The following GPR19 variants were observed in gnomAD, a reference collection of about 807,000 sequenced individuals.
GPR19 encodes the protein G protein-coupled receptor 19.
GPR19 carries 14 observed loss-of-function variants against 28.5 expected under a neutral mutation model. The ratio of observed to expected loss-of-function variants is 0.49; its 90% confidence interval spans 0.32 to 0.77. The LOEUF is 0.77. GPR19 is among the 30% of genes least tolerant of loss of function. The pLI is 0.03. For synonymous variants in GPR19, 173 were observed against 184.1 expected (o/e 0.94, Z 0.49); for missense variants, 409 against 504.1 (o/e 0.81, Z 1.81).
At chr12:12,676,212 C>T (rs1945928862) in intron 3 of GPR19, among the ~76,000 whole-genome samples, 1 of 152,182 alleles carries the variant, frequency 6.6e-6, no homozygotes, top group Admixed American at 6.5e-5. Flanking sequence ...CTGAACAAGT[C>T]AAGAGACCCC....
chr12:12,678,304 TA>T (rs1009743280), intron 3 of GPR19, among the ~76,000 whole-genome samples: 14 of 150,788 alleles, frequency 9.3e-5, no homozygotes, highest in African/African-American at 2.9e-4. Flanking sequence ...CCAATTAATT[TA>T]AAAAAACCAA....
At chr12:12,706,696 A>G in the GPR19 span, among the ~76,000 whole-genome samples, 3 of 152,194 alleles carry the variant, frequency 2.0e-5, no homozygotes, top group Non-Finnish European at 2.9e-5. Context: ...TGGAGTCATC[A>G]TGAACTCTTT....
At chr12:12,668,734 A>G (rs1945816292) in intron 3 of GPR19, among the ~76,000 whole-genome samples, 1 of 152,132 alleles carries the variant, frequency 6.6e-6, no homozygotes, top group Non-Finnish European at 1.5e-5. Context: ...CTGGACCTAC[A>G]TGGATACATA....
intron 3 of GPR19, among the ~76,000 whole-genome samples, chr12:12,674,231 A>C (rs927751550): frequency 1.5e-5 from 2 of 130,958 alleles, no homozygotes; most frequent in African/African-American, 5.8e-5. Flanking sequence ...AAAAAAAAAA[A>C]GGCTATTACA....
At chr12:12,664,935 AAAAAAAAAAAAG>A (rs1163615709) in intron 3 of GPR19, among the ~76,000 whole-genome samples, 15 of 147,926 alleles carry the variant, frequency 1.0e-4, no homozygotes, top group African/African-American at 3.0e-4. Flanking sequence ...AAAAAAAAAA[AAAAAAAAAAAAG>A]AAATCAGGAC....
chr12:12,685,228 C>T (rs1017914983), intron 2 of GPR19, among the ~76,000 whole-genome samples: 1 of 151,756 alleles, frequency 6.6e-6, no homozygotes, highest in African/African-American at 2.4e-5. Flanking sequence ...CCTCCCTGTC[C>T]CCATCCCATC....
chr12:12,701,361 T>A, the GPR19 span, among the ~76,000 whole-genome samples: 3 of 152,220 alleles, frequency 2.0e-5, no homozygotes, highest in Non-Finnish European at 2.9e-5. Flanking sequence ...CAATGTAATT[T>A]CTGAATTATA....
the GPR19 span, among the ~76,000 whole-genome samples, chr12:12,714,015 G>A: frequency 1.3e-5 from 2 of 152,134 alleles, no homozygotes; most frequent in African/African-American, 4.8e-5. Context: ...TGGAATGTCA[G>A]CATCATTCTA....
chr12:12,674,072 C>T (rs191557587), intron 3 of GPR19, among the ~76,000 whole-genome samples: 241 of 151,908 alleles, frequency 1.6e-3, no homozygotes, highest in African/African-American at 5.5e-3. Context: ...ATTAGCCCAG[C>T]ATGGTGGTGA....
chr12:12,715,346 A>C, the GPR19 span, among the ~76,000 whole-genome samples: 2 of 152,210 alleles, frequency 1.3e-5, no homozygotes, highest in Non-Finnish European at 2.9e-5. Flanking sequence ...GAAAAACTAA[A>C]GAGGATGAGA....
chr12:12,671,835 T>A (rs895339927), intron 3 of GPR19, among the ~76,000 whole-genome samples: 5 of 152,218 alleles, frequency 3.3e-5, no homozygotes, highest in African/African-American at 1.2e-4. Context: ...CCTATTAAAA[T>A]ATAAATGTTT....
In GPR19 at chr12:12,661,618, C is replaced by A; in HGVS notation, c.831G>T (p.Met277Ile). The A allele has an allele frequency of 6.2e-7, 1 of 1,614,064 alleles. No individual in the cohort carries two copies. Among genetic ancestry groups the A allele is most frequent in the Non-Finnish European group, 8.5e-7 (1 of 1,179,942 alleles). Residue 277 changes from methionine (M) to isoleucine (I), a missense_variant, in exon 4 of 4, where the codon ATG (methionine) becomes ATT (isoleucine). Transcript: ENST00000651487. The surrounding 1 kb of genome is among the most constrained non-coding windows in gnomAD (Gnocchi z 4.2). ...AAAACAACAGATTTAAAATGAGGAA[C>A]ATCTTGATAGTTTTCACTTTTGTCC... Reference protein sequence around the residue: ...VPRTKVKTIKMFLILNLLFLL... With the variant: ...VPRTKVKTIKIFLILNLLFLL...
intron 3 of GPR19, among the ~76,000 whole-genome samples, chr12:12,670,032 A>G (rs1296195776): frequency 6.6e-6 from 1 of 152,182 alleles, no homozygotes; most frequent in Admixed American, 6.5e-5. Context: ...TGCCCAGCTG[A>G]GAAAAGACTG....
At chr12:12,703,534 CAT>C in the GPR19 span, 1 of 407,820 alleles carries the variant, frequency 2.5e-6, no homozygotes, top group African/African-American at 2.2e-5. Context: ...CGCTCTAGCA[CAT>C]AGTGATTCTG....
chr12:12,702,913 C>T, the GPR19 span, among the ~76,000 whole-genome samples: 72 of 152,170 alleles, frequency 4.7e-4, no homozygotes, highest in African/African-American at 1.6e-3. Flanking sequence ...ATAAACTGAA[C>T]TTGGATAGAA....
chr12:12,686,920 G>A lies in GPR19; in HGVS notation c.-179-2413C>T, dbSNP rs1300183726. On this transcript the variant is annotated intron_variant, in intron 2 of 3. Transcript: ENST00000651487. ...ATGATATTTAAAATCATCTTGTAAGGAGTCATAACCCAAAATTTTATTAAG... is the reference window on the plus strand; with the variant it reads ...ATGATATTTAAAATCATCTTGTAAGAAGTCATAACCCAAAATTTTATTAAG... Among the ~76,000 whole-genome samples the A allele has an allele frequency of 3.9e-5, 6 of 152,232 alleles. No homozygotes were observed. The East Asian group carries it at 5.8e-4, about 15-fold the overall frequency.
intron 3 of GPR19, among the ~76,000 whole-genome samples, chr12:12,667,606 G>T (rs1051532941): frequency 6.6e-6 from 1 of 151,588 alleles, no homozygotes; most frequent in African/African-American, 2.4e-5. Context: ...CAGGAGAATC[G>T]CTTGAACCCG....
At chr12:12,686,833 CA>C (rs900628502) in intron 2 of GPR19, among the ~76,000 whole-genome samples, 1 of 151,560 alleles carries the variant, frequency 6.6e-6, no homozygotes. Context: ...TTATTTGAGA[CA>C]AAAAAAATGA....
At chr12:12,678,906 T>C (rs1194572930) in intron 3 of GPR19, among the ~76,000 whole-genome samples, 1 of 152,166 alleles carries the variant, frequency 6.6e-6, no homozygotes, top group Non-Finnish European at 1.5e-5. Context: ...GAGAGATTCT[T>C]GTGCGTCAGC....
Sources: allele counts gnomAD v4.1 joint callset (sites outside exome capture counted in the v4.1 genomes callset), GRCh38; gene constraint gnomAD v4.1.1; non-coding constraint Gnocchi (gnomAD v3.1); transcripts MANE v1.5; gene names NCBI Gene and HGNC (gene_info 2026-07-23, HGNC 2026-07-21).